The following ABTB2 variants were observed in gnomAD, a reference collection of about 807,000 sequenced individuals.
The protein encoded by ABTB2 is ankyrin repeat and BTB domain containing 2, also known as ankyrin repeat and BTB/POZ domain-containing protein 2.
In ABTB2, 56 loss-of-function variants were observed where a neutral mutation model predicts 104.1. That is an observed-to-expected ratio of 0.54 (90% CI 0.43 to 0.67). The LOEUF (loss-of-function observed/expected upper bound fraction) is 0.67. Among genes scored for constraint, ABTB2 ranks in the 30% least tolerant of loss-of-function variants. The pLI is 0.00. For missense variants in ABTB2, 1,279 were observed against 1,407.7 expected (o/e 0.91, Z 1.46); for synonymous variants, 606 against 608.2 (o/e 1.00, Z 0.05).
At chr11:34,238,365 T>C (rs192018903) in intron 1 of ABTB2, among the ~76,000 whole-genome samples, 364 of 152,350 alleles carry the variant, frequency 2.4e-3, no homozygotes, top group Non-Finnish European at 4.2e-3. Context: ...AACCATCAAA[T>C]ATATGATTCA....
At chr11:34,221,938 G>T in intron 1 of ABTB2, among the ~76,000 whole-genome samples, 1 of 152,108 alleles carries the variant, frequency 6.6e-6, no homozygotes, top group Non-Finnish European at 1.5e-5. Context: ...CTATCTACTT[G>T]GGAGGCTGAG....
chr11:34,313,665 A>G lies in ABTB2; in HGVS notation c.883+43036T>C, dbSNP rs551668672. Among the ~76,000 whole-genome samples the G allele has an allele frequency of 2.6e-5, 4 of 152,284 alleles. No individual in the cohort carries two copies. The East Asian group carries it at 7.7e-4, about 29-fold the overall frequency. ...ACGGTGATATCAGCCATGCCACGAA[A>G]GTGGGAGAGATGCCACTGGGAGGGC... On this transcript the variant is annotated intron_variant, in intron 1 of 16. Transcript: ENST00000435224.
At chr11:34,307,289 G>T (rs1033083969) in intron 1 of ABTB2, among the ~76,000 whole-genome samples, 2 of 152,116 alleles carry the variant, frequency 1.3e-5, no homozygotes, top group Non-Finnish European at 2.9e-5. Context: ...AGCACAATTA[G>T]GTCACTTCTC....
At chr11:34,273,982 C>T (rs1184722912) in intron 1 of ABTB2, among the ~76,000 whole-genome samples, 1 of 150,648 alleles carries the variant, frequency 6.6e-6, no homozygotes, top group Non-Finnish European at 1.5e-5. Context: ...GAAACCCCGT[C>T]TCTACTAAAA....
At chr11:34,337,219 C>A (rs566610830) in intron 1 of ABTB2, among the ~76,000 whole-genome samples, 8 of 152,356 alleles carry the variant, frequency 5.3e-5, no homozygotes, top group Admixed American at 1.3e-4. Flanking sequence ...TTGAGGAAGG[C>A]CCCGATTCTG....
Position 34,204,532 on chromosome 11 carries a change from G to A in ABTB2, c.1030+12C>T, listed in dbSNP as rs1322547933. On this transcript the variant is annotated intron_variant, in intron 2 of 16. Transcript: ENST00000435224. ...GCTCTACCATCCAGCTAGACACTGA[G>A]GCCACACTTACTCAGCTCCGAGATG... The A allele has an allele frequency of 1.9e-6, 3 of 1,595,694 alleles. No homozygotes were observed. The South Asian group carries it at 3.4e-5, about 18-fold the overall frequency.
rs765841061 is a variant in ABTB2 at position 34,204,674 on chromosome 11, G to A, written c.900C>T (p.Pro300=). 41 of 1,613,358 alleles carry A rather than the reference G, an allele frequency of 2.5e-5. No homozygotes were observed. The highest frequency in any genetic ancestry group is 2.2e-4 in the East Asian group (10 of 44,876). ...CGCCGTTGTAGGGGCTGAAGTATGCGGGGAGGGAGAGGACACCTATGGGGA... is the reference window on the plus strand; with the variant it reads ...CGCCGTTGTAGGGGCTGAAGTATGCAGGGAGGGAGAGGACACCTATGGGGA... ...GKNANGVLSL[P]AYFSPYNGGS... The change falls in exon 2 of 17, where the codon CCC becomes CCT. Residue 300 remains proline, a synonymous_variant. Transcript: ENST00000435224.
intron 1 of ABTB2, among the ~76,000 whole-genome samples, chr11:34,228,987 C>T (rs1477574461): frequency 6.6e-6 from 1 of 151,770 alleles, no homozygotes; most frequent in Non-Finnish European, 1.5e-5. Context: ...GGTGTGGGGG[C>T]AGGCACCTGT....
At chr11:34,160,521 A>T (rs1852696709) in intron 11 of ABTB2, among the ~76,000 whole-genome samples, 168 bp from the exon 12 acceptor site, 1 of 151,418 alleles carries the variant, frequency 6.6e-6, no homozygotes, top group Admixed American at 6.6e-5. Flanking sequence ...TTCATCAGTG[A>T]TTCCCGAAAT....
In ABTB2 at chr11:34,167,279, C is replaced by T. The variant is rs1405319672; in HGVS notation, c.1735G>A (p.Gly579Arg). 3 of 1,612,368 alleles carry T rather than the reference C, an allele frequency of 1.9e-6. No homozygotes were observed. Among genetic ancestry groups the T allele is most frequent in the Middle Eastern group, 3.3e-4 (2 of 6,046 alleles). Residue 579 changes from glycine to arginine, a missense_variant, in exon 7 of 17, where the codon GGA becomes AGA. Transcript: ENST00000435224. ...CTCACCTGGACCACAGAGATGTGTC[C>T]ATGCAGCACAGCGAATGTCAGTGAG... ...WTSLTFAVLH[G>R]HISVVQLLLD...
At chr11:34,167,405 G>T in intron 6 of ABTB2, 45 bp from the exon 7 acceptor site, 1 of 1,512,636 alleles carries the variant, frequency 6.6e-7, no homozygotes, top group Non-Finnish European at 9.1e-7. Context: ...GCACCCGAGC[G>T]AAGGGAGTAC....
At chr11:34,223,743 A>G (rs1420503677) in intron 1 of ABTB2, among the ~76,000 whole-genome samples, 1 of 152,174 alleles carries the variant, frequency 6.6e-6, no homozygotes, top group Non-Finnish European at 1.5e-5. Context: ...GCCTCCAGTT[A>G]CATCAGAGCT....
chr11:34,187,308 T>C (rs917596299), intron 3 of ABTB2, among the ~76,000 whole-genome samples: 11 of 152,188 alleles, frequency 7.2e-5, no homozygotes, highest in African/African-American at 2.7e-4. Context: ...GCCAGGGACG[T>C]CACCAACTTT....
intron 1 of ABTB2, among the ~76,000 whole-genome samples, chr11:34,327,130 G>C (rs137933606): frequency 7.9e-4 from 120 of 152,248 alleles, no homozygotes; most frequent in African/African-American, 2.6e-3. Flanking sequence ...TATGAGAACA[G>C]ATAAACAACA....
chr11:34,152,119 G>T lies in ABTB2; in HGVS notation c.*268C>A. 1 of 477,188 alleles carries T rather than the reference G, an allele frequency of 2.1e-6. No individual in the cohort carries two copies. Among genetic ancestry groups the T allele is most frequent in the Non-Finnish European group, 3.8e-6 (1 of 260,092 alleles). 29.6% of individuals were successfully genotyped at this position (477,188 alleles called of 1,614,324 possible). On this transcript the variant is annotated 3_prime_UTR_variant, in exon 17 of 17. Transcript: ENST00000435224. ...AGGAGGGGAGAGCGACACCCCGGGG[G>T]AGTGCATGGCTGCCCTTGAGTTGCA...
chr11:34,347,612 A>G (rs1266888192), intron 1 of ABTB2, among the ~76,000 whole-genome samples: 1 of 152,222 alleles, frequency 6.6e-6, no homozygotes, highest in Non-Finnish European at 1.5e-5. Context: ...CACCTGAGTT[A>G]TTAGCTAAGC....
intron 1 of ABTB2, among the ~76,000 whole-genome samples, chr11:34,224,656 T>G (rs1332203215): frequency 6.6e-6 from 1 of 152,166 alleles, no homozygotes; most frequent in African/African-American, 2.4e-5. Context: ...CTCAGTTTGC[T>G]CGTCTGCACA....
At chr11:34,184,203 T>C (rs1433946233) in intron 3 of ABTB2, among the ~76,000 whole-genome samples, 1 of 152,068 alleles carries the variant, frequency 6.6e-6, no homozygotes, top group Non-Finnish European at 1.5e-5. Flanking sequence ...CCTAGAAGCT[T>C]GAGTTGGCTT....
chr11:34,162,814 C>T lies in ABTB2; in HGVS notation c.1989-9G>A, dbSNP rs1248640908. On this transcript the variant is annotated splice_polypyrimidine_tract_variant and intron_variant, in intron 9 of 16. Transcript: ENST00000435224. ...GCTTCCTCAGGACGTTCCTGCAGGC[C>T]CAGGGATGAATGAAGGTGAGGGCTG... 1.3e-6 allele frequency: 2 copies of T among 1,594,410 alleles called. No individual in the cohort carries two copies. The highest frequency in any genetic ancestry group is 2.2e-5 in the East Asian group (1 of 44,562).
Sources: gnomAD v4.1 joint callset for allele counts (sites outside exome capture counted in the v4.1 genomes callset) on GRCh38, gnomAD v4.1.1 for gene constraint, MANE v1.5 for transcripts, NCBI Gene and HGNC (gene_info 2026-07-23, HGNC 2026-07-21) for gene names.